The following AUTS2 variants were observed in gnomAD, a reference collection of about 807,000 sequenced individuals.
The protein encoded by AUTS2 is autism susceptibility gene 2 protein.
AUTS2 carries 17 observed loss-of-function variants against 112.4 expected under a neutral mutation model. The observed-to-expected ratio is 0.15, with a 90% CI of 0.10 to 0.23. AUTS2 has a LOEUF of 0.23. Ranked by LOEUF, AUTS2 falls within the 10% of genes least tolerant of loss-of-function variation. The pLI is 1.00. For missense variants in AUTS2, 1,510 were observed against 1,701.6 expected, an observed-to-expected ratio of 0.89 and a Z score of 1.98; for synonymous variants, 751 against 702.7, an observed-to-expected ratio of 1.07 and a Z score of -1.09.
intron 5 of AUTS2, among the ~76,000 whole-genome samples, chr7:70,441,051 G>A (rs955110126): frequency 1.3e-5 from 2 of 152,332 alleles, no homozygotes; most frequent in South Asian, 4.1e-4. Flanking sequence ...GAAAGTTGTG[G>A]AGATGTTGCC....
rs1793152596 is a variant in AUTS2, at chr7:70,377,362, A to G, written c.661-58390A>G. The stretch of plus-strand genomic sequence containing the variant: ...TATATATATATATATATATATATAT[A>G]TATATATATATAGTGATATATATAT... On this transcript the variant is annotated intron_variant, in intron 4 of 18. Coordinates refer to ENST00000342771, the MANE Select transcript of AUTS2 (RefSeq NM_015570.4). Among the ~76,000 whole-genome samples, 2 of 119,204 alleles carry G rather than the reference A, an allele frequency of 1.7e-5. 1 individual carries two copies. The highest frequency in any genetic ancestry group is 4.9e-4 in the East Asian group (2 of 4,054). 78.2% of individuals were successfully genotyped at this position (119,204 alleles called of 152,430 possible).
intron 2 of AUTS2, among the ~76,000 whole-genome samples, chr7:70,056,049 G>A (rs912245943): frequency 5.9e-5 from 9 of 151,852 alleles, no homozygotes; most frequent in East Asian, 1.9e-4. Context: ...GTGCAGTGGC[G>A]TCATCTTGGC....
chr7:70,306,086 A>G (rs772633426), intron 4 of AUTS2, among the ~76,000 whole-genome samples: 2 of 152,196 alleles, frequency 1.3e-5, no homozygotes, highest in Non-Finnish European at 2.9e-5. Context: ...ATAGAATCAC[A>G]TTTGGGGCAT....
intron 5 of AUTS2, among the ~76,000 whole-genome samples, chr7:70,489,473 A>C (rs1438740304): frequency 6.6e-6 from 1 of 152,214 alleles, no homozygotes; most frequent in Admixed American, 6.5e-5. Flanking sequence ...TCCTTCAGTA[A>C]ACCCCCCCAG....
rs1455939729 is a variant in AUTS2, at chr7:70,113,947, G to A, written c.523-4185G>A. On this transcript the variant is annotated intron_variant, in intron 2 of 18. Coordinates refer to ENST00000342771, the MANE Select transcript of AUTS2 (RefSeq NM_015570.4). ...CTGTGGATCGTTATTTTCCTAATTA[G>A]CCATTAATAACAGTTAACACTGTAA... 2.6e-5 allele frequency among the ~76,000 whole-genome samples: 4 copies of A among 152,294 alleles called. No homozygotes were observed. The East Asian group carries it at 7.7e-4, about 29-fold the overall frequency.
intron 5 of AUTS2, among the ~76,000 whole-genome samples, chr7:70,671,258 C>T (rs1807624919): frequency 6.6e-6 from 1 of 152,108 alleles, no homozygotes; most frequent in African/African-American, 2.4e-5. Flanking sequence ...GGCCTTATTA[C>T]ACCCGCTGCC....
Position 69,723,234 on chromosome 7 carries a change from A to G in AUTS2, c.309+123272A>G, listed in dbSNP as rs528053315. Reference sequence around the variant, plus strand: ...GAATCGTGGTCTTGTGTATATATAGAGTGTTATATAGGCCATGTGATTCTC... The same window carrying G: ...GAATCGTGGTCTTGTGTATATATAGGGTGTTATATAGGCCATGTGATTCTC... On this transcript the variant is annotated intron_variant, in intron 1 of 18. Coordinates refer to ENST00000342771, the MANE Select transcript of AUTS2 (RefSeq NM_015570.4). 3.3e-5 allele frequency among the ~76,000 whole-genome samples: 5 copies of G among 152,006 alleles called. No individual in the cohort carries two copies. The South Asian group carries it at 1.1e-3, about 32-fold the overall frequency.
chr7:70,191,237 G>A lies in AUTS2; in HGVS notation c.660+56666G>A, dbSNP rs921950040. Among the ~76,000 whole-genome samples the A allele has an allele frequency of 5.0e-5, 7 of 139,232 alleles. No individual in the cohort carries two copies. In the East Asian group the frequency reaches 6.2e-4, roughly 12 times the overall value. 91.3% of individuals were successfully genotyped at this position (139,232 alleles called of 152,430 possible). Reference sequence around the variant, plus strand: ...GGCTGGAGTGCAGTGGCGCAATCTCGGCTCACTGCAAGCTCTGCCTCCCGG... The same window carrying A: ...GGCTGGAGTGCAGTGGCGCAATCTCAGCTCACTGCAAGCTCTGCCTCCCGG... On this transcript the variant is annotated intron_variant, in intron 4 of 18. Coordinates refer to ENST00000342771, the MANE Select transcript of AUTS2 (RefSeq NM_015570.4).
intron 6 of AUTS2, among the ~76,000 whole-genome samples, chr7:70,757,712 C>A (rs1789300450): frequency 2.6e-5 from 4 of 151,886 alleles, no homozygotes; most frequent in Admixed American, 2.6e-4. Context: ...CACACACACA[C>A]CCCAGTTCCC....
chr7:70,003,394 G>T (rs1424057097), intron 2 of AUTS2, among the ~76,000 whole-genome samples: 2 of 108,666 alleles, frequency 1.8e-5, no homozygotes, highest in African/African-American at 3.7e-5. Flanking sequence ...TATAACATAT[G>T]AATATATATA....
intron 1 of AUTS2, among the ~76,000 whole-genome samples, chr7:69,700,374 CA>C (rs773613129): frequency 4.0e-5 from 6 of 151,380 alleles, no homozygotes; most frequent in African/African-American, 1.2e-4. Context: ...ATAGACTTAC[CA>C]AAAAGTTGCA....
intron 4 of AUTS2, among the ~76,000 whole-genome samples, chr7:70,368,400 G>A (rs954068537): frequency 2.0e-5 from 3 of 152,164 alleles, no homozygotes; most frequent in African/African-American, 7.2e-5. Flanking sequence ...TTGAGTAGAG[G>A]TAGAGGAGTA....
intron 1 of AUTS2, among the ~76,000 whole-genome samples, chr7:69,769,856 C>T (rs1050772063): frequency 1.3e-5 from 2 of 152,236 alleles, no homozygotes; most frequent in Admixed American, 1.3e-4. Flanking sequence ...CTAGTCATTA[C>T]TTCACGGGGT....
At chr7:70,108,570 A>T (rs1584734042) in intron 2 of AUTS2, among the ~76,000 whole-genome samples, 1 of 151,864 alleles carries the variant, frequency 6.6e-6, no homozygotes. Context: ...GGATTATTTT[A>T]TAAAATAAAA....
intron 1 of AUTS2, among the ~76,000 whole-genome samples, chr7:69,633,718 CAT>C (rs1242708043): frequency 6.6e-6 from 1 of 152,142 alleles, no homozygotes; most frequent in Non-Finnish European, 1.5e-5. Flanking sequence ...AGCACCTTTT[CAT>C]ATGTCTATTG....
chr7:70,503,705 G>T (rs1442685797), intron 5 of AUTS2, among the ~76,000 whole-genome samples: 1 of 151,526 alleles, frequency 6.6e-6, no homozygotes, highest in Admixed American at 6.6e-5. Flanking sequence ...TTTTTGTAGA[G>T]GTGAGGTCTT....
intron 5 of AUTS2, chr7:70,436,508 T>C (rs991739552): frequency 6.6e-6 from 1 of 152,270 alleles, no homozygotes; most frequent in African/African-American, 2.4e-5. Flanking sequence ...GGTCTTTCTT[T>C]CTAGCCGTTC....
At chr7:69,893,873 C>T (rs576361802) in intron 1 of AUTS2, among the ~76,000 whole-genome samples, 2 of 152,170 alleles carry the variant, frequency 1.3e-5, no homozygotes, top group Non-Finnish European at 1.5e-5. Flanking sequence ...TGAACCATCT[C>T]ATTTTGAAAT....
chr7:69,918,723 AT>A (rs1795691068), intron 2 of AUTS2, among the ~76,000 whole-genome samples: 2 of 152,200 alleles, frequency 1.3e-5, no homozygotes, highest in Non-Finnish European at 2.9e-5. Flanking sequence ...CCCTGGCATA[AT>A]TATTCCGTAT....
Sources: gnomAD v4.1 joint callset for allele counts (sites outside exome capture counted in the v4.1 genomes callset) on GRCh38, gnomAD v4.1.1 for gene constraint, MANE v1.5 for transcripts, NCBI Gene and HGNC (gene_info 2026-07-23, HGNC 2026-07-21) for gene names.